The following AASS variants were observed in gnomAD, a reference collection of about 807,000 sequenced individuals.
AASS encodes the protein aminoadipate-semialdehyde synthase, also known as alpha-aminoadipic semialdehyde synthase, mitochondrial.
Under a neutral mutation model 105.4 loss-of-function variants are expected in AASS, and 86 were observed. That is an observed-to-expected ratio of 0.82 (90% confidence interval 0.69 to 0.98). The LOEUF is 0.98. AASS is among the 50% of genes least tolerant of loss of function. The pLI is 0.00. For synonymous variants in AASS, 381 were observed against 394.8 expected, an observed-to-expected ratio of 0.96 and a Z score of 0.41; for missense variants, 1,048 against 1,143.2, an observed-to-expected ratio of 0.92 and a Z score of 1.20.
intron 11 of AASS, among the ~76,000 whole-genome samples, chr7:122,110,283 C>T (rs1794870234): frequency 6.6e-6 from 1 of 150,864 alleles, no homozygotes; most frequent in African/African-American, 2.4e-5. Context: ...CAACCAACAT[C>T]AGGAAAAAGA....
At chr7:122,143,279 C>T (rs1020775967) in intron 1 of AASS, among the ~76,000 whole-genome samples, 1 of 152,118 alleles carries the variant, frequency 6.6e-6, no homozygotes, top group African/African-American at 2.4e-5. Flanking sequence ...AATGTTAATC[C>T]TTGTTCAAGT....
chr7:122,090,177 C>A (rs911264420), intron 18 of AASS, among the ~76,000 whole-genome samples: 1 of 152,140 alleles, frequency 6.6e-6, no homozygotes. Flanking sequence ...AGGAATTAGA[C>A]CAGAACTCAT....
At chr7:122,139,770 T>A (rs184612967) in intron 1 of AASS, among the ~76,000 whole-genome samples, 5 of 152,010 alleles carry the variant, frequency 3.3e-5, no homozygotes, top group Non-Finnish European at 7.4e-5. Flanking sequence ...CTAGGCAACA[T>A]GCAAAACCCC....
At chr7:122,095,627 C>A (rs886255358) in intron 15 of AASS, among the ~76,000 whole-genome samples, 3 of 150,270 alleles carry the variant, frequency 2.0e-5, no homozygotes, top group Non-Finnish European at 4.4e-5. Flanking sequence ...TTTATTCCTC[C>A]TCAGGTCAAC....
intron 4 of AASS, among the ~76,000 whole-genome samples, chr7:122,124,443 C>T (rs867896693): frequency 1.7e-4 from 26 of 152,146 alleles, no homozygotes; most frequent in Middle Eastern, 3.4e-3. Flanking sequence ...CCATCACGCC[C>T]GGCTAATTTT....
Position 122,091,834 on chromosome 7 carries a change from A to G in AASS, c.1885T>C (p.Tyr629His), listed in dbSNP as rs751792587. ...AKEVGATIES[Y>H]ISYCGGLPAP... Reference sequence around the variant, plus strand: ...GGAAGCCCACCACAGTAGGAAATATATGATTCAATCTATAAATTAAAGAAT... The same window carrying G: ...GGAAGCCCACCACAGTAGGAAATATGTGATTCAATCTATAAATTAAAGAAT... Residue 629 changes from tyrosine to histidine, a missense_variant, in exon 18 of 24, where the codon TAT (tyrosine) becomes CAT (histidine). Physicochemically the swap from Tyr to His is moderately conservative, Grantham distance 83. Coordinates refer to ENST00000417368, the MANE Select transcript of AASS (RefSeq NM_005763.4). 1 of 1,602,770 alleles carries G rather than the reference A, an allele frequency of 6.2e-7. No individual in the cohort carries two copies. Among genetic ancestry groups the G allele is most frequent in the South Asian group, 1.1e-5 (1 of 90,700 alleles).
At chr7:122,080,111 C>G (rs1030417457) in intron 20 of AASS, among the ~76,000 whole-genome samples, 73 of 152,184 alleles carry the variant, frequency 4.8e-4, no homozygotes, top group African/African-American at 1.7e-3. Flanking sequence ...TTGCCAGTAG[C>G]AACCCAGGTT....
At chr7:122,093,522 G>A (rs1794004180) in intron 15 of AASS, among the ~76,000 whole-genome samples, 1 of 152,138 alleles carries the variant, frequency 6.6e-6, no homozygotes, top group African/African-American at 2.4e-5. Flanking sequence ...TCAATAGTGG[G>A]ATTGGGGCCA....
At chr7:122,081,104 T>C (rs1341702923) in intron 20 of AASS, among the ~76,000 whole-genome samples, 2 of 152,124 alleles carry the variant, frequency 1.3e-5, no homozygotes, top group Non-Finnish European at 2.9e-5. Context: ...CTGACAAGAT[T>C]TGGAGGTTGG....
intron 2 of AASS, among the ~76,000 whole-genome samples, chr7:122,130,477 C>T (rs1420454436): frequency 6.6e-6 from 1 of 151,920 alleles, no homozygotes; most frequent in Non-Finnish European, 1.5e-5. Flanking sequence ...ATGTACTTTG[C>T]TAAGCTCTTT....
At chr7:122,089,328 G>A (rs1030953988) in intron 18 of AASS, among the ~76,000 whole-genome samples, 2 of 152,112 alleles carry the variant, frequency 1.3e-5, no homozygotes, top group Non-Finnish European at 2.9e-5. Context: ...AGTGAACAGA[G>A]GCTGGAGTGG....
Position 122,077,928 on chromosome 7 carries a change from G to T in AASS, c.2572C>A (p.Leu858Ile), listed in dbSNP as rs751788580. 5 of 1,614,056 alleles carry T rather than the reference G, an allele frequency of 3.1e-6. No homozygotes were observed. The African/African-American group carries it at 6.7e-5, about 22-fold the overall frequency. ...CCATTGATGTCCCCATAAGCCACAA[G>T]ATCAATCGTTTTATGTTCTAAATGT... ...SGHLEHKTID[L>I]VAYGDINGFS... The change falls in exon 23 of 24, where the codon CTT becomes ATT. Residue 858 changes from leucine to isoleucine, a missense_variant. By Grantham distance (5) the Leu-to-Ile change is conservative. Transcript: ENST00000417368.
chr7:122,105,912 A>G (rs1794645604), intron 11 of AASS, among the ~76,000 whole-genome samples: 1 of 152,096 alleles, frequency 6.6e-6, no homozygotes. Flanking sequence ...GACTTAAAAA[A>G]TATAAAAGAT....
rs111901865 is a variant in AASS at position 122,074,999 on chromosome 7, C to T, written c.*1490G>A. Among the ~76,000 whole-genome samples the T allele has an allele frequency of 1.1e-4, 16 of 152,232 alleles. No homozygotes were observed. The highest frequency in any genetic ancestry group is 2.2e-4 in the Non-Finnish European group (15 of 68,016). ...CTCAGCCTCTGAGTAGCTGAGACGA[C>T]AGATGAGTGTCATCACATCCAGCTG... is the stretch of plus-strand genomic sequence containing the variant. On this transcript the variant is annotated 3_prime_UTR_variant, in exon 24 of 24. Transcript: ENST00000417368.
chr7:122,128,004 A>C (rs954046024), intron 3 of AASS, among the ~76,000 whole-genome samples: 2 of 152,186 alleles, frequency 1.3e-5, no homozygotes, highest in Non-Finnish European at 2.9e-5. Flanking sequence ...TTCTCTTGTA[A>C]TGGCATCATG....
At chr7:122,083,023 T>A (rs145467449) in intron 19 of AASS, 89 of 445,054 alleles carry the variant, frequency 2.0e-4, no homozygotes, top group African/African-American at 1.5e-3. Context: ...ATTTATCTTA[T>A]CTGCAATTAC....
rs1795195713 is a variant in AASS, at chr7:122,116,727, C to T, written c.800G>A (p.Arg267His). 3.1e-6 allele frequency: 5 copies of T among 1,614,012 alleles called. No individual in the cohort carries two copies. The highest frequency in any genetic ancestry group is 1.1e-5 in the South Asian group (1 of 91,082). The change falls in exon 8 of 24, where the codon CGT becomes CAT. Residue 267 changes from arginine to histidine, a missense_variant. Arg to His is a conservative substitution (Grantham distance 29). Coordinates refer to ENST00000417368, the MANE Select transcript of AASS (RefSeq NM_005763.4). ...TGTTTTCCTGACAAGATGATGATGA[C>T]GACTTAACACCGTCCCATACACTTT... ...LRKVYGTVLS[R>H]HHHLVRKTDA...
intron 18 of AASS, among the ~76,000 whole-genome samples, chr7:122,088,249 G>A (rs1422104490): frequency 6.6e-6 from 1 of 152,024 alleles, no homozygotes; most frequent in Non-Finnish European, 1.5e-5. Context: ...CAAGTAGAGA[G>A]AATCACTGTT....
rs945541720 is a variant in AASS, at chr7:122,073,772, T to G, written c.*2717A>C. ...CCTTCAGCCTAAGCAACCACTAATC[T>G]GCCTTCTCTCTATATATATTCGCCT... On this transcript the variant is annotated 3_prime_UTR_variant, in exon 24 of 24. Transcript: ENST00000417368. Among the ~76,000 whole-genome samples the G allele has an allele frequency of 3.3e-5, 5 of 152,168 alleles. No homozygotes were observed. Among genetic ancestry groups the G allele is most frequent in the Non-Finnish European group, 5.9e-5 (4 of 68,036 alleles).
Sources: gnomAD v4.1 joint callset for allele counts (sites outside exome capture counted in the v4.1 genomes callset) on GRCh38, gnomAD v4.1.1 for gene constraint, MANE v1.5 for transcripts, NCBI Gene and HGNC (gene_info 2026-07-23, HGNC 2026-07-21) for gene names.